Variants in PRKCE observed in about 807,000 individuals in gnomAD.
The protein encoded by PRKCE is protein kinase C epsilon type.
PRKCE carries 16 observed loss-of-function variants against 85.4 expected under a neutral mutation model. The ratio of observed to expected loss-of-function variants is 0.19; its 90% CI spans 0.13 to 0.28. The LOEUF is 0.28. Ranked by LOEUF, PRKCE falls within the 10% of genes least tolerant of loss-of-function variation. PRKCE has a pLI of 1.00. For synonymous variants in PRKCE, 388 were observed against 371.5 expected (o/e 1.04, Z -0.51); for missense variants, 573 against 975.2 (o/e 0.59, Z 5.49).
At chr2:45,922,782 C>A (rs1194572353) in intron 2 of PRKCE, among the ~76,000 whole-genome samples, 1 of 152,166 alleles carries the variant, frequency 6.6e-6, no homozygotes, top group Non-Finnish European at 1.5e-5. Context: ...GAGTTGAGAC[C>A]ACACAGTGCA....
chr2:46,025,062 C>G (rs954892655), intron 10 of PRKCE, among the ~76,000 whole-genome samples: 1 of 151,496 alleles, frequency 6.6e-6, no homozygotes, highest in African/African-American at 2.4e-5. Flanking sequence ...AAAGAAAGCT[C>G]GAAAATTTGA....
intron 1 of PRKCE, among the ~76,000 whole-genome samples, chr2:45,702,966 G>A (rs368352021): frequency 9.9e-5 from 15 of 152,080 alleles, no homozygotes; most frequent in African/African-American, 3.6e-4. Context: ...ATAGCTAACA[G>A]CCTCGGCAGA....
intron 11 of PRKCE, among the ~76,000 whole-genome samples, chr2:46,130,451 ATGT>A (rs1417624477): frequency 1.4e-4 from 22 of 152,202 alleles, no homozygotes; most frequent in Non-Finnish European, 2.1e-4. Flanking sequence ...TGAGAGTTAC[ATGT>A]TGTCTGCGTA....
At chr2:46,086,538 T>C (rs951085516) in intron 11 of PRKCE, among the ~76,000 whole-genome samples, 176 bp downstream of exon 11, 24 of 152,224 alleles carry the variant, frequency 1.6e-4, no homozygotes, top group Non-Finnish European at 5.9e-5. Context: ...CTGTGAATGT[T>C]AGTATTTGAA....
intron 11 of PRKCE, among the ~76,000 whole-genome samples, chr2:46,135,678 C>G (rs1304901552): frequency 4.1e-5 from 6 of 146,280 alleles, no homozygotes; most frequent in Non-Finnish European, 7.4e-5. Flanking sequence ...TTATCTTTGA[C>G]TCTCGGTTAT....
chr2:46,055,024 A>G (rs1442314898), intron 10 of PRKCE, among the ~76,000 whole-genome samples: 3 of 152,026 alleles, frequency 2.0e-5, no homozygotes, highest in African/African-American at 7.2e-5. Flanking sequence ...ACCCTCAATA[A>G]AATCCCCCAC....
chr2:45,767,621 T>C (rs1035494862), intron 1 of PRKCE, among the ~76,000 whole-genome samples: 9 of 152,232 alleles, frequency 5.9e-5, no homozygotes, highest in Non-Finnish European at 1.3e-4. Context: ...ATAAGTTTTC[T>C]CCAATTATTG....
At chr2:45,821,528 G>A (rs572912000) in intron 1 of PRKCE, among the ~76,000 whole-genome samples, 2 of 152,170 alleles carry the variant, frequency 1.3e-5, no homozygotes, top group African/African-American at 2.4e-5. Context: ...CCCAAGGGGT[G>A]TCTCAGAGGG....
rs1193212678 is a variant in PRKCE, at chr2:45,786,413, C to T, written c.349-56587C>T. Among the ~76,000 whole-genome samples the T allele has an allele frequency of 6.6e-6, 1 of 152,204 alleles. No homozygotes were observed. The highest frequency in any genetic ancestry group is 1.9e-4 in the East Asian group (1 of 5,200). On this transcript the variant is annotated intron_variant, in intron 1 of 14. Coordinates refer to ENST00000306156, the MANE Select transcript of PRKCE (RefSeq NM_005400.3). The surrounding 1 kb of genome is among the most constrained non-coding windows in gnomAD (Gnocchi z 5.3). ...GTGACATCAGTGAAGTTTGTATTCCCTACCGCAACTTCCGTTTCTGTACCC... is the reference window on the plus strand; with the variant it reads ...GTGACATCAGTGAAGTTTGTATTCCTTACCGCAACTTCCGTTTCTGTACCC...
chr2:46,159,760 G>T lies in PRKCE; in HGVS notation c.2067+8G>T, dbSNP rs772887086. On this transcript the variant is annotated splice_region_variant and intron_variant, in intron 14 of 14. Transcript: ENST00000306156. This position sits in a 1 kb window ranked among gnomAD's most constrained non-coding sequence, Gnocchi z 4.1. ...CCCTTCAAACCACGCATTGTAAGTT[G>T]GTCCCCGTGCACGTTCAGCACCATG... 2.5e-6 allele frequency: 4 copies of T among 1,599,166 alleles called. No individual in the cohort carries two copies. The highest frequency in any genetic ancestry group is 1.7e-6 in the Non-Finnish European group (2 of 1,179,740).
At chr2:45,916,616 A>G (rs1451613184) in intron 2 of PRKCE, among the ~76,000 whole-genome samples, 1 of 152,136 alleles carries the variant, frequency 6.6e-6, no homozygotes, top group Non-Finnish European at 1.5e-5. Context: ...CATCCTCTCA[A>G]ATTGAGTATT....
chr2:46,022,955 C>T (rs1209609290), intron 10 of PRKCE, among the ~76,000 whole-genome samples: 4 of 151,716 alleles, frequency 2.6e-5, no homozygotes, highest in Admixed American at 2.6e-4. Flanking sequence ...CGGTGGCGGG[C>T]GCCTGTAGTC....
intron 11 of PRKCE, among the ~76,000 whole-genome samples, chr2:46,129,507 C>T (rs753492822): frequency 2.0e-5 from 3 of 152,186 alleles, no homozygotes; most frequent in Non-Finnish European, 4.4e-5. Context: ...TTCCATAGTG[C>T]CAAGAACAGC....
At chr2:45,805,380 GGT>G (rs1252086912) in intron 1 of PRKCE, among the ~76,000 whole-genome samples, 1 of 152,086 alleles carries the variant, frequency 6.6e-6, no homozygotes, top group Non-Finnish European at 1.5e-5. Context: ...CTGCCTTATT[GGT>G]TTGGTTCAGT....
chr2:45,927,215 G>A (rs1405773369), intron 2 of PRKCE, among the ~76,000 whole-genome samples: 1 of 152,152 alleles, frequency 6.6e-6, no homozygotes, highest in Non-Finnish European at 1.5e-5. Flanking sequence ...TGGGGGGGGT[G>A]TTGTCAGAGA....
At chr2:46,125,889 C>A (rs548074045) in intron 11 of PRKCE, among the ~76,000 whole-genome samples, 1 of 152,132 alleles carries the variant, frequency 6.6e-6, no homozygotes, top group Non-Finnish European at 1.5e-5. Flanking sequence ...TCCAGTTGTA[C>A]GTGTCTTCGT....
chr2:46,179,578 G>A (rs930477634), intron 14 of PRKCE, among the ~76,000 whole-genome samples: 1 of 152,114 alleles, frequency 6.6e-6, no homozygotes, highest in African/African-American at 2.4e-5. Flanking sequence ...TCGGAATGTT[G>A]TTTTCCTCTA....
chr2:46,075,079 C>T (rs1170797679), intron 10 of PRKCE, among the ~76,000 whole-genome samples: 3 of 152,142 alleles, frequency 2.0e-5, no homozygotes, highest in South Asian at 2.1e-4. Flanking sequence ...CTCGCCCTGT[C>T]GCCCAGGCTG....
chr2:45,653,575 C>A (rs773412867), intron 1 of PRKCE, among the ~76,000 whole-genome samples: 1 of 151,814 alleles, frequency 6.6e-6, no homozygotes, highest in Non-Finnish European at 1.5e-5. Flanking sequence ...CAATTGCTTT[C>A]TATTGAAAAC....
Sources: allele counts gnomAD v4.1 joint callset (sites outside exome capture counted in the v4.1 genomes callset), GRCh38; gene constraint gnomAD v4.1.1; non-coding constraint Gnocchi (gnomAD v3.1); transcripts MANE v1.5; gene names NCBI Gene and HGNC (gene_info 2026-07-23, HGNC 2026-07-21).